Variants in PKP4 observed in about 807,000 individuals in gnomAD.
PKP4 encodes plakophilin-4.
PKP4 carries 90 observed loss-of-function variants against 145.1 expected under a neutral mutation model. The observed-to-expected ratio is 0.62, with a 90% CI of 0.52 to 0.74. PKP4 has a LOEUF of 0.74. Among genes scored for constraint, PKP4 ranks in the 30% least tolerant of loss-of-function variants. The probability of loss-of-function intolerance (pLI) is 0.00; values close to 1 mark genes in which losing one functional copy is unlikely to be tolerated. For missense variants in PKP4, 1,340 were observed against 1,482.7 expected (o/e 0.90, Z 1.58); for synonymous variants, 563 against 577.2 (o/e 0.98, Z 0.35).
intron 9 of PKP4, among the ~76,000 whole-genome samples, chr2:158,636,398 T>C (rs2053812809): frequency 1.3e-5 from 2 of 152,196 alleles, no homozygotes; most frequent in Non-Finnish European, 2.9e-5. Context: ...GCAGACATCA[T>C]GTGCATTCTT....
At chr2:158,637,666 T>C (rs1257301759) in intron 9 of PKP4, among the ~76,000 whole-genome samples, 1 of 152,154 alleles carries the variant, frequency 6.6e-6, no homozygotes, top group Non-Finnish European at 1.5e-5. Flanking sequence ...CTCTCAAGGA[T>C]TATATTCTTG....
chr2:158,602,520 A>T (rs2105848650), intron 3 of PKP4, among the ~76,000 whole-genome samples: 2 of 152,296 alleles, frequency 1.3e-5, no homozygotes, highest in African/African-American at 4.8e-5. Flanking sequence ...CAAATTTTTT[A>T]AATGCACCCT....
intron 1 of PKP4, among the ~76,000 whole-genome samples, chr2:158,506,411 G>T (rs928500157): frequency 6.6e-6 from 1 of 152,168 alleles, no homozygotes; most frequent in Non-Finnish European, 1.5e-5. Context: ...TCAGTTAGAC[G>T]ATCACCAAGG....
At chr2:158,467,709 C>T (rs746689801) in intron 1 of PKP4, among the ~76,000 whole-genome samples, 6 of 151,752 alleles carry the variant, frequency 4.0e-5, no homozygotes, top group African/African-American at 7.3e-5. Flanking sequence ...TAGCTGCGTG[C>T]GATGGCATGT....
chr2:158,561,602 T>G (rs985615976), intron 2 of PKP4, among the ~76,000 whole-genome samples: 1 of 152,204 alleles, frequency 6.6e-6, no homozygotes, highest in Non-Finnish European at 1.5e-5. Flanking sequence ...CCTGACTTCC[T>G]TGAAGAGAAA....
At chr2:158,546,245 C>T (rs2045028265) in intron 2 of PKP4, among the ~76,000 whole-genome samples, 1 of 151,882 alleles carries the variant, frequency 6.6e-6, no homozygotes, top group African/African-American at 2.4e-5. Context: ...TGTTCTTTTC[C>T]CAATTTATTT....
chr2:158,613,686 G>A (rs1192431836), intron 4 of PKP4, among the ~76,000 whole-genome samples: 7 of 152,170 alleles, frequency 4.6e-5, no homozygotes, highest in Admixed American at 2.6e-4. Flanking sequence ...CAGAGGATTA[G>A]GCTGCCACTA....
In PKP4 at chr2:158,538,024, A is replaced by G. The variant is rs544625061; in HGVS notation, c.132+4708A>G. On this transcript the variant is annotated intron_variant, in intron 2 of 21. Transcript: ENST00000389759. ...AGAGCAAGAACCTGTCTCCAAAAAAAGAAAGAAAAATGTGGTGCCCTCAAA... is the reference window on the plus strand; with the variant it reads ...AGAGCAAGAACCTGTCTCCAAAAAAGGAAAGAAAAATGTGGTGCCCTCAAA... Among the ~76,000 whole-genome samples the G allele has an allele frequency of 6.5e-4, 99 of 152,322 alleles. 1 individual carries two copies. Among genetic ancestry groups the G allele is most frequent in the Non-Finnish European group, 1.1e-3 (77 of 68,034 alleles).
intron 16 of PKP4, 116 bp from the exon 17 acceptor site, chr2:158,669,601 CTAT>C (rs919059478): frequency 2.8e-6 from 2 of 719,324 alleles, no homozygotes; most frequent in African/African-American, 3.6e-5. Flanking sequence ...ATTTTTTCCC[CTAT>C]TATTGTCTCT....
intron 1 of PKP4, among the ~76,000 whole-genome samples, chr2:158,489,648 C>CT (rs372145001): frequency 6.6e-6 from 1 of 152,192 alleles, no homozygotes; most frequent in Non-Finnish European, 1.5e-5. Context: ...TTAACCCTTT[C>CT]TTTTCAGTGT....
chr2:158,522,567 G>A (rs1318130683), intron 1 of PKP4, among the ~76,000 whole-genome samples: 1 of 152,206 alleles, frequency 6.6e-6, no homozygotes, highest in Non-Finnish European at 1.5e-5. Context: ...TGTTTTAGAA[G>A]CCTCAAAAGA....
intron 1 of PKP4, among the ~76,000 whole-genome samples, chr2:158,504,740 T>C (rs930383056): frequency 3.3e-5 from 5 of 152,228 alleles, no homozygotes; most frequent in Admixed American, 6.5e-5. Context: ...GATACTACTT[T>C]TATATCCTTC....
At chr2:158,668,320 A>T (rs1448364167) in intron 16 of PKP4, among the ~76,000 whole-genome samples, 1 of 152,140 alleles carries the variant, frequency 6.6e-6, no homozygotes. Context: ...AGTTCCTAGG[A>T]ACCTTCCCCT....
intron 3 of PKP4, among the ~76,000 whole-genome samples, chr2:158,599,918 A>C (rs1201643299): frequency 1.3e-5 from 2 of 152,214 alleles, no homozygotes; most frequent in Non-Finnish European, 2.9e-5. Flanking sequence ...TATGGGAAAC[A>C]GCAAAATAAG....
chr2:158,473,395 C>T (rs10192817), intron 1 of PKP4, among the ~76,000 whole-genome samples: 59,864 of 152,048 alleles, frequency 0.39, 12,459 homozygotes, highest in East Asian at 0.68. Flanking sequence ...GTAACAAAGA[C>T]ATGGAATCAA....
At chr2:158,517,786 C>G (rs774640057) in intron 1 of PKP4, among the ~76,000 whole-genome samples, 4 of 151,690 alleles carry the variant, frequency 2.6e-5, no homozygotes, top group Non-Finnish European at 5.9e-5. Context: ...TCAGTGGTGT[C>G]GTGCCACTGT....
intron 15 of PKP4, 56 bp downstream of exon 15, chr2:158,663,501 A>G: frequency 7.1e-7 from 1 of 1,413,274 alleles, no homozygotes; most frequent in Non-Finnish European, 9.9e-7. Context: ...CTAACTTGAA[A>G]TGTTATATAT....
Position 158,663,101 on chromosome 2 carries a change from T to C in PKP4, c.2403+13T>C, listed in dbSNP as rs1191667580. Reference sequence around the variant, plus strand: ...GCAAGAAGATCAAGTTAGCATTTTATTTTATATGAGACTCTCAAGTTTAAT... The same window carrying C: ...GCAAGAAGATCAAGTTAGCATTTTACTTTATATGAGACTCTCAAGTTTAAT... On this transcript the variant is annotated intron_variant, in intron 14 of 21. Coordinates refer to ENST00000389759, the MANE Select transcript of PKP4 (RefSeq NM_003628.6). The C allele has an allele frequency of 6.3e-7, 1 of 1,584,766 alleles. No homozygotes were observed. The highest frequency in any genetic ancestry group is 8.6e-7 in the Non-Finnish European group (1 of 1,166,478).
At chr2:158,471,701 A>G (rs1037700119) in intron 1 of PKP4, among the ~76,000 whole-genome samples, 1 of 152,280 alleles carries the variant, frequency 6.6e-6, no homozygotes, top group Non-Finnish European at 1.5e-5. Context: ...ATTCATAGTT[A>G]CAAAATCAGG....
Sources: allele counts gnomAD v4.1 joint callset (sites outside exome capture counted in the v4.1 genomes callset), GRCh38; gene constraint gnomAD v4.1.1; transcripts MANE v1.5; gene names NCBI Gene and HGNC (gene_info 2026-07-23, HGNC 2026-07-21).